The following RETREG1 variants were observed in gnomAD, a reference collection of about 807,000 sequenced individuals.
The protein encoded by RETREG1 is family with sequence similarity 134 member B.
A neutral mutation model predicts 54.8 loss-of-function variants in RETREG1; 44 were observed. That is an observed-to-expected ratio of 0.80 (90% CI 0.63 to 1.03). RETREG1 has a LOEUF of 1.03. Ranked by LOEUF, RETREG1 falls within the 50% of genes least tolerant of loss-of-function variation. RETREG1 has a pLI of 0.00. For missense variants in RETREG1, 554 were observed against 605.1 expected (o/e 0.92, Z 0.89); for synonymous variants, 217 against 238.5 (o/e 0.91, Z 0.83).
chr5:16,615,368 C>A (rs1457933868), intron 1 of RETREG1, among the ~76,000 whole-genome samples: 2 of 140,396 alleles, frequency 1.4e-5, no homozygotes, highest in Non-Finnish European at 1.5e-5. Flanking sequence ...CCACTGCACT[C>A]CAGCCTGGGC....
intron 3 of RETREG1, among the ~76,000 whole-genome samples, chr5:16,564,281 C>T (rs1741949183): frequency 1.3e-5 from 2 of 152,304 alleles, no homozygotes; most frequent in East Asian, 3.9e-4. Context: ...AATTCCTTGT[C>T]TTCATAGATG....
At chr5:16,505,653 C>T (rs1046406551) in intron 3 of RETREG1, among the ~76,000 whole-genome samples, 2 of 152,192 alleles carry the variant, frequency 1.3e-5, no homozygotes, top group Admixed American at 1.3e-4. Context: ...ACAGCTGGAA[C>T]AGGGACCGTC....
At chr5:16,587,576 T>C (rs1371234997) in intron 1 of RETREG1, among the ~76,000 whole-genome samples, 1 of 152,222 alleles carries the variant, frequency 6.6e-6, no homozygotes, top group Non-Finnish European at 1.5e-5. Flanking sequence ...TCAGTTGTGG[T>C]CACCCACTCA....
intron 3 of RETREG1, among the ~76,000 whole-genome samples, chr5:16,533,926 C>T (rs771883443): frequency 7.9e-5 from 12 of 152,088 alleles, no homozygotes; most frequent in Non-Finnish European, 1.6e-4. Flanking sequence ...CTTCTATCAT[C>T]GCCAGCTTCT....
chr5:16,479,120 TAA>T, intron 5 of RETREG1, 133 bp from the exon 6 acceptor site: 3 of 803,814 alleles, frequency 3.7e-6, no homozygotes, highest in Non-Finnish European at 6.1e-6. Flanking sequence ...CATTGTGAAA[TAA>T]GTTTATAATT....
chr5:16,507,642 T>C (rs1327844330), intron 3 of RETREG1, among the ~76,000 whole-genome samples: 1 of 152,180 alleles, frequency 6.6e-6, no homozygotes, highest in Admixed American at 6.5e-5. Context: ...TAGAGAAAAG[T>C]AGCTTTTACA....
At chr5:16,528,552 G>A (rs1240132421) in intron 3 of RETREG1, among the ~76,000 whole-genome samples, 6 of 152,130 alleles carry the variant, frequency 3.9e-5, no homozygotes, top group South Asian at 4.1e-4. Context: ...GGGCCAAGGA[G>A]GAGTGAGACC....
intron 3 of RETREG1, among the ~76,000 whole-genome samples, chr5:16,530,858 T>C (rs1391213142): frequency 1.3e-5 from 2 of 150,984 alleles, no homozygotes; most frequent in Admixed American, 1.3e-4. Flanking sequence ...CAAGACTCCG[T>C]CTCAAAAAAA....
intron 1 of RETREG1, among the ~76,000 whole-genome samples, chr5:16,613,181 A>C (rs71609316): frequency 0.077 from 11,652 of 152,058 alleles, 506 homozygotes; most frequent in African/African-American, 0.11. Flanking sequence ...TGCCCCCACA[A>C]ACCACCTAGC....
chr5:16,609,214 C>G (rs1019823630), intron 1 of RETREG1, among the ~76,000 whole-genome samples: 2 of 152,136 alleles, frequency 1.3e-5, no homozygotes, highest in African/African-American at 4.8e-5. Context: ...CTTTGGTGTT[C>G]AGTTAACTTT....
At chr5:16,500,381 G>A (rs1739656847) in intron 3 of RETREG1, among the ~76,000 whole-genome samples, 1 of 152,148 alleles carries the variant, frequency 6.6e-6, no homozygotes, top group Non-Finnish European at 1.5e-5. Flanking sequence ...TACAAGGAGA[G>A]CAAAGAGAGA....
At chr5:16,478,150 A>G (rs780596591) in intron 6 of RETREG1, 52 bp from the exon 7 acceptor site, 1 of 1,173,312 alleles carries the variant, frequency 8.5e-7, no homozygotes, top group Admixed American at 1.7e-5. Context: ...ACTCAGACAT[A>G]GTGCATTTAT....
intron 3 of RETREG1, among the ~76,000 whole-genome samples, chr5:16,530,437 A>G (rs995930005): frequency 1.3e-5 from 2 of 152,208 alleles, no homozygotes; most frequent in African/African-American, 4.8e-5. Flanking sequence ...TATATATTAT[A>G]TAGTGGTTGT....
chr5:16,587,827 C>T lies in RETREG1; in HGVS notation c.321-15725G>A, dbSNP rs192824804. Among the ~76,000 whole-genome samples, 4 of 152,308 alleles carry T rather than the reference C, an allele frequency of 2.6e-5. No individual in the cohort carries two copies. The East Asian group carries it at 7.7e-4, about 29-fold the overall frequency. The stretch of plus-strand genomic sequence containing the variant: ...GCTCAATTGTTCTGCCTGGTTCTCC[C>T]GCAGCAAGCCTGATCCTTCTCATTC... On this transcript the variant is annotated intron_variant, in intron 1 of 8. Coordinates refer to ENST00000306320, the MANE Select transcript of RETREG1 (RefSeq NM_001034850.3).
chr5:16,493,090 C>CT lies in RETREG1; in HGVS notation c.459-9619dup, dbSNP rs535105087. 4.9e-3 allele frequency among the ~76,000 whole-genome samples: 741 copies of CT among 150,824 alleles called. 3 individuals are homozygous for CT. Among genetic ancestry groups the CT allele is most frequent in the Non-Finnish European group, 8.7e-3 (588 of 67,756 alleles). ...CTTAGTGTTCTATTTGGGGCTCTCC[C>CT]TTTTTTTATATCAAGTTTAAAACGA... is the stretch of plus-strand genomic sequence containing the variant. On this transcript the variant is annotated intron_variant, in intron 3 of 8. Coordinates refer to ENST00000306320, the MANE Select transcript of RETREG1 (RefSeq NM_001034850.3).
In RETREG1 at chr5:16,593,906, C is replaced by T. The variant is rs1420199651; in HGVS notation, c.321-21804G>A. Among the ~76,000 whole-genome samples, 1 of 152,198 alleles carries T rather than the reference C, an allele frequency of 6.6e-6. No individual in the cohort carries two copies. Among genetic ancestry groups the T allele is most frequent in the Non-Finnish European group, 1.5e-5 (1 of 68,034 alleles). On this transcript the variant is annotated intron_variant, in intron 1 of 8. Transcript: ENST00000306320. This position sits in a 1 kb window ranked among gnomAD's most constrained non-coding sequence, Gnocchi z 4.9. Reference sequence around the variant, plus strand: ...TTTACTGTGAAAGCCACACCAAATCCGAATACAACGAATGTCTGGCCTTCT... The same window carrying T: ...TTTACTGTGAAAGCCACACCAAATCTGAATACAACGAATGTCTGGCCTTCT...
At chr5:16,527,746 T>C (rs1309375974) in intron 3 of RETREG1, among the ~76,000 whole-genome samples, 3 of 147,752 alleles carry the variant, frequency 2.0e-5, no homozygotes, top group Non-Finnish European at 4.5e-5. Context: ...GGTTGTGTGA[T>C]GAAGACTGAT....
intron 3 of RETREG1, among the ~76,000 whole-genome samples, chr5:16,501,845 T>C (rs1244916474): frequency 6.6e-6 from 1 of 151,474 alleles, no homozygotes; most frequent in Non-Finnish European, 1.5e-5. Context: ...ACGCCCAGCC[T>C]GGCCTGCATT....
At chr5:16,517,591 T>G (rs1304650515) in intron 3 of RETREG1, among the ~76,000 whole-genome samples, 1 of 152,150 alleles carries the variant, frequency 6.6e-6, no homozygotes, top group African/African-American at 2.4e-5. Context: ...CCATCAACCC[T>G]AACATATTGA....
Sources: gnomAD v4.1 joint callset for allele counts (sites outside exome capture counted in the v4.1 genomes callset) on GRCh38, gnomAD v4.1.1 for gene constraint, Gnocchi (gnomAD v3.1) non-coding constraint, MANE v1.5 for transcripts, NCBI Gene and HGNC (gene_info 2026-07-23, HGNC 2026-07-21) for gene names.